The following PIP4K2A variants were observed in gnomAD, a reference collection of about 807,000 sequenced individuals.
PIP4K2A encodes the protein phosphatidylinositol-5-phosphate 4-kinase type 2 alpha.
PIP4K2A carries 14 observed loss-of-function variants against 42.9 expected under a neutral mutation model. The ratio of observed to expected loss-of-function variants is 0.33; its 90% CI spans 0.22 to 0.51. The LOEUF (loss-of-function observed/expected upper bound fraction) is 0.51, where lower values mean the gene tolerates loss of function less well. PIP4K2A is among the 20% of genes least tolerant of loss of function. The pLI is 0.97. For missense variants in PIP4K2A, 434 were observed against 519.8 expected, an observed-to-expected ratio of 0.83 and a Z score of 1.61; for synonymous variants, 192 against 192.2, an observed-to-expected ratio of 1.00 and a Z score of 0.01.
intron 1 of PIP4K2A, among the ~76,000 whole-genome samples, chr10:22,614,053 C>A (rs558718738): frequency 6.6e-6 from 1 of 152,182 alleles, no homozygotes; most frequent in African/African-American, 2.4e-5. Flanking sequence ...CCCGTGGTCA[C>A]GGGTGTGGGT....
At chr10:22,541,067 A>C (rs1382304768) in intron 8 of PIP4K2A, among the ~76,000 whole-genome samples, 1 of 152,236 alleles carries the variant, frequency 6.6e-6, no homozygotes, top group Non-Finnish European at 1.5e-5. Context: ...TTATCCTATC[A>C]CAAAAATATT....
chr10:22,596,881 C>G (rs972029162), intron 3 of PIP4K2A, among the ~76,000 whole-genome samples: 2 of 152,264 alleles, frequency 1.3e-5, no homozygotes, highest in Admixed American at 6.5e-5. Context: ...CCATCTCCCC[C>G]TGCCGTGCTG....
intron 5 of PIP4K2A, chr10:22,568,990 A>C (rs184099697): frequency 6.6e-7 from 1 of 1,520,398 alleles, no homozygotes; most frequent in Admixed American, 2.0e-5. Context: ...TACTTGAGTT[A>C]GCCATTCATT....
At chr10:22,631,440 G>A (rs1838545667) in intron 1 of PIP4K2A, among the ~76,000 whole-genome samples, 1 of 150,794 alleles carries the variant, frequency 6.6e-6, no homozygotes, top group Non-Finnish European at 1.5e-5. Context: ...AGGGGCAGAA[G>A]GTGGTCATCT....
intron 1 of PIP4K2A, among the ~76,000 whole-genome samples, chr10:22,653,672 G>A (rs549977755): frequency 3.9e-5 from 6 of 152,252 alleles, no homozygotes; most frequent in East Asian, 1.9e-4. Flanking sequence ...CCAGCACTTC[G>A]GGAGGCTGAG....
intron 6 of PIP4K2A, among the ~76,000 whole-genome samples, chr10:22,562,294 A>G (rs1836729315): frequency 6.6e-6 from 1 of 152,208 alleles, no homozygotes; most frequent in African/African-American, 2.4e-5. Context: ...AATGCCTGTA[A>G]TCCCAGCACT....
chr10:22,679,817 A>T (rs7919243), intron 1 of PIP4K2A, among the ~76,000 whole-genome samples: 18,435 of 152,142 alleles, frequency 0.12, 1,251 homozygotes, highest in Middle Eastern at 0.21. Context: ...ACAAAAGCCC[A>T]CATACAAATC....
chr10:22,544,484 G>A (rs1301604870), intron 7 of PIP4K2A, among the ~76,000 whole-genome samples: 1 of 152,050 alleles, frequency 6.6e-6, no homozygotes, highest in Admixed American at 6.5e-5. Flanking sequence ...GGCTTCCCTG[G>A]CCTCTCTCTC....
intron 1 of PIP4K2A, among the ~76,000 whole-genome samples, chr10:22,712,277 T>C (rs1291896687): frequency 6.6e-6 from 1 of 152,172 alleles, no homozygotes; most frequent in Non-Finnish European, 1.5e-5. Flanking sequence ...GCAACGTAAG[T>C]GGTTACAGTA....
chr10:22,672,322 A>G (rs926562337), intron 1 of PIP4K2A, among the ~76,000 whole-genome samples: 1 of 152,152 alleles, frequency 6.6e-6, no homozygotes, highest in African/African-American at 2.4e-5. Context: ...AGATTAAAAA[A>G]CAGAATCCAA....
intron 1 of PIP4K2A, among the ~76,000 whole-genome samples, chr10:22,627,630 A>AAAAAAAAAAAAAAAAAAAAAAAAG (rs1346625282): frequency 8.5e-6 from 1 of 118,134 alleles, no homozygotes; most frequent in Non-Finnish European, 1.8e-5. Flanking sequence ...AAAAAAAAAA[A>AAAAAAAAAAAAAAAAAAAAAAAAG]AGATAAGGAA....
chr10:22,679,930 T>A (rs1839627919), intron 1 of PIP4K2A, among the ~76,000 whole-genome samples: 1 of 152,052 alleles, frequency 6.6e-6, no homozygotes, highest in Non-Finnish European at 1.5e-5. Flanking sequence ...TGTTCTAAGA[T>A]TAGATTGAGA....
chr10:22,549,285 G>A (rs1417607386), intron 7 of PIP4K2A, among the ~76,000 whole-genome samples: 1 of 151,894 alleles, frequency 6.6e-6, no homozygotes, highest in Non-Finnish European at 1.5e-5. Context: ...AAATTATACT[G>A]CTTCCGCCTT....
chr10:22,564,439 C>A (rs117705078), intron 6 of PIP4K2A, among the ~76,000 whole-genome samples: 1 of 152,186 alleles, frequency 6.6e-6, no homozygotes, highest in Non-Finnish European at 1.5e-5. Flanking sequence ...AACAGACCCA[C>A]CAACATGGGG....
intron 1 of PIP4K2A, among the ~76,000 whole-genome samples, chr10:22,681,727 G>A (rs1208385098): frequency 1.3e-5 from 2 of 151,566 alleles, no homozygotes; most frequent in Admixed American, 6.6e-5. Flanking sequence ...ATAAAACGCA[G>A]GAAAAGAGGT....
At chr10:22,541,210 A>T (rs1266946852) in intron 8 of PIP4K2A, among the ~76,000 whole-genome samples, 1 of 152,110 alleles carries the variant, frequency 6.6e-6, no homozygotes, top group African/African-American at 2.4e-5. Flanking sequence ...TCCATGGGGG[A>T]GGACAGCAGA....
chr10:22,573,215 G>A lies in PIP4K2A; in HGVS notation c.639+96C>T, dbSNP rs1293280286. The A allele has an allele frequency of 7.2e-6, 8 of 1,115,990 alleles. No individual in the cohort carries two copies. In the South Asian group the frequency reaches 8.5e-5, roughly 12 times the overall value. 69.1% of individuals were successfully genotyped at this position (1,115,990 alleles called of 1,614,324 possible). On this transcript the variant is annotated intron_variant, in intron 5 of 9. Transcript: ENST00000376573. ...CTTGTCTGGTAGCTTTAAGTGCTGA[G>A]CGGCTCCTAAGCATTTCTGATGATC...
intron 1 of PIP4K2A, chr10:22,694,779 T>C (rs1839937725): frequency 1.3e-5 from 2 of 152,378 alleles, no homozygotes; most frequent in Middle Eastern, 3.4e-3. Context: ...AAAGAACTTA[T>C]AAAATACTTC....
At chr10:22,587,846 C>T (rs1024198815) in intron 4 of PIP4K2A, among the ~76,000 whole-genome samples, 1 of 152,230 alleles carries the variant, frequency 6.6e-6, no homozygotes, top group African/African-American at 2.4e-5. Context: ...GTGGCCTTTG[C>T]TAATTGCTGC....
Sources: allele counts gnomAD v4.1 joint callset (sites outside exome capture counted in the v4.1 genomes callset), GRCh38; gene constraint gnomAD v4.1.1; transcripts MANE v1.5; gene names NCBI Gene and HGNC (gene_info 2026-07-23, HGNC 2026-07-21).